BRF1: variants seen among roughly 807,000 people sequenced by gnomAD.
BRF1 encodes the protein transcription factor IIIB 90 kDa subunit.
BRF1 carries 59 observed loss-of-function variants against 81.7 expected under a neutral mutation model. The observed-to-expected ratio is 0.72, with a 90% CI of 0.59 to 0.90. BRF1 has a LOEUF of 0.90. BRF1 is among the 40% of genes least tolerant of loss of function. The pLI is 0.00. For synonymous variants in BRF1, 491 were observed against 395.6 expected, an observed-to-expected ratio of 1.24 and a Z score of -2.86; for missense variants, 1,050 against 936.3, an observed-to-expected ratio of 1.12 and a Z score of -1.58.
At chr14:105,212,185 TGGC>T in intron 15 of BRF1, 21 bp from the exon 16 acceptor site, 1 of 1,608,466 alleles carries the variant, frequency 6.2e-7, no homozygotes, top group South Asian at 1.1e-5. Flanking sequence ...AAGCACAGCA[TGGC>T]GGCCTCAGCC....
rs1342446243 is a variant in BRF1, at chr14:105,221,847, G to A, written c.1116C>T (p.Ala372=). 8 of 1,607,064 alleles carry A rather than the reference G, an allele frequency of 5.0e-6. No homozygotes were observed. Among genetic ancestry groups the A allele is most frequent in the Admixed American group, 3.4e-5 (2 of 59,288 alleles). Residue 372 remains alanine (A), a synonymous_variant, in exon 11 of 18, where the codon GCC becomes GCT. Coordinates refer to ENST00000547530, the MANE Select transcript of BRF1 (RefSeq NM_001519.4). ...EEDTEDEELE[A]AASHLNKDLY... ...AGTCTTTGTTCAGGTGGCTGGCCGC[G>A]GCTTCCAGCTCCTCGTCCTCTGTGT...
chr14:105,314,987 C>G (rs1321059129), intron 1 of BRF1: 1 of 1,250,220 alleles, frequency 8.0e-7, no homozygotes, highest in Non-Finnish European at 1.0e-6. Context: ...TGCCCATGAA[C>G]CTGTTCGCCA....
intron 3 of BRF1, among the ~76,000 whole-genome samples, chr14:105,266,933 C>T (rs1325155800): frequency 2.0e-5 from 3 of 152,088 alleles, no homozygotes; most frequent in African/African-American, 7.2e-5. Flanking sequence ...AGTCCAGCTA[C>T]ACGGGAGGCT....
intron 10 of BRF1, chr14:105,222,633 C>CTTTTTTTTTTTTTTTTTT (rs11429509): frequency 1.4e-5 from 2 of 147,156 alleles, no homozygotes; most frequent in Admixed American, 6.8e-5. Flanking sequence ...CTGATCAGTT[C>CTTTTTTTTTTTTTTTTTT]TTTTTTTTTT....
At chr14:105,275,996 TGGGGAGGAG>T (rs1404183328) in intron 2 of BRF1, among the ~76,000 whole-genome samples, 2 of 98,262 alleles carry the variant, frequency 2.0e-5, no homozygotes, top group African/African-American at 9.6e-5. Flanking sequence ...ACTAGAGAGC[TGGGGAGGAG>T]GCCACAGTGA....
intron 7 of BRF1, 107 bp from the exon 8 acceptor site, chr14:105,226,867 G>A (rs985267538): frequency 1.3e-6 from 2 of 1,552,630 alleles, no homozygotes; most frequent in African/African-American, 2.7e-5. Flanking sequence ...CCAGTGCTTT[G>A]GGAGCCCAAG....
intron 6 of BRF1, among the ~76,000 whole-genome samples, chr14:105,229,678 G>A (rs1422528017): frequency 8.7e-5 from 13 of 148,612 alleles, no homozygotes; most frequent in African/African-American, 1.0e-4. Context: ...GCACCCTCAG[G>A]AGCAACAACC....
chr14:105,267,929 C>T (rs587771253), intron 3 of BRF1, among the ~76,000 whole-genome samples: 9 of 151,640 alleles, frequency 5.9e-5, no homozygotes, highest in Admixed American at 1.3e-4. Flanking sequence ...GGGAGTGTGG[C>T]GGCTGGCGGC....
In BRF1 at chr14:105,263,020, G is replaced by A. The variant is rs1436017998; in HGVS notation, c.440-6471C>T. Among the ~76,000 whole-genome samples, 14 of 151,940 alleles carry A rather than the reference G, an allele frequency of 9.2e-5. No homozygotes were observed. The East Asian group carries it at 2.7e-3, about 30-fold the overall frequency. On this transcript the variant is annotated intron_variant, in intron 3 of 17. Coordinates refer to ENST00000547530, the MANE Select transcript of BRF1 (RefSeq NM_001519.4). Reference sequence around the variant, plus strand: ...CTTTGGGAGGCCGAGGCGGGCAGATGACAACGTCAAGAGTCCGAGACCAGC... The same window carrying A: ...CTTTGGGAGGCCGAGGCGGGCAGATAACAACGTCAAGAGTCCGAGACCAGC...
Position 105,212,003 on chromosome 14 carries a change from C to T in BRF1, c.1824+110G>A, listed in dbSNP as rs191114075. The stretch of plus-strand genomic sequence containing the variant: ...GCAAGTATGGGGCAGCAGGGGCAGG[C>T]GCCTCTGTCAGGCCTGCTCTCCCTG... On this transcript the variant is annotated intron_variant, in intron 16 of 17. Transcript: ENST00000547530. The T allele has an allele frequency of 1.7e-4, 249 of 1,464,540 alleles. 1 individual carries two copies. In the East Asian group the frequency reaches 5.0e-3, roughly 29 times the overall value. 90.7% of individuals were successfully genotyped at this position (1,464,540 alleles called of 1,614,324 possible).
intron 2 of BRF1, among the ~76,000 whole-genome samples, chr14:105,283,144 A>G (rs1055321016): frequency 6.6e-6 from 1 of 152,146 alleles, no homozygotes; most frequent in African/African-American, 2.4e-5. Flanking sequence ...CCAGCCAGCC[A>G]AGGCAGAGGA....
intron 10 of BRF1, among the ~76,000 whole-genome samples, chr14:105,224,679 C>T (rs1231832584): frequency 1.3e-5 from 2 of 152,156 alleles, no homozygotes; most frequent in Non-Finnish European, 2.9e-5. Context: ...TCCCGAGGAG[C>T]TGGGACTACA....
At chr14:105,217,230 G>A (rs888516278) in intron 15 of BRF1, 10 of 484,400 alleles carry the variant, frequency 2.1e-5, no homozygotes, top group Admixed American at 1.7e-4. Flanking sequence ...TCTTCTTCCC[G>A]AACCCAGGCT....
chr14:105,251,921 A>G (rs2055638718), intron 5 of BRF1, among the ~76,000 whole-genome samples: 2 of 152,112 alleles, frequency 1.3e-5, no homozygotes, highest in South Asian at 2.1e-4. Flanking sequence ...AACACACATC[A>G]AGAAAGGCAT....
intron 1 of BRF1, among the ~76,000 whole-genome samples, chr14:105,298,146 C>A (rs2057816112): frequency 6.6e-6 from 1 of 152,100 alleles, no homozygotes; most frequent in Non-Finnish European, 1.5e-5. Flanking sequence ...GCAGATATTC[C>A]AAAATCAGAA....
chr14:105,296,903 T>C (rs796225076), intron 1 of BRF1, among the ~76,000 whole-genome samples: 8 of 152,172 alleles, frequency 5.3e-5, no homozygotes, highest in African/African-American at 1.9e-4. Context: ...TGCCTATAAT[T>C]CCAGCACTTT....
At chr14:105,215,886 T>C (rs1321542176) in intron 15 of BRF1, among the ~76,000 whole-genome samples, 20 of 52,286 alleles carry the variant, frequency 3.8e-4, no homozygotes, top group Middle Eastern at 0.017. Flanking sequence ...GCTGCAGGCA[T>C]ACAGACACAG....
chr14:105,253,016 T>C (rs1021272939), intron 4 of BRF1, among the ~76,000 whole-genome samples: 5 of 152,204 alleles, frequency 3.3e-5, no homozygotes, highest in African/African-American at 1.2e-4. Flanking sequence ...GAGATCTGTG[T>C]TCCTCAGTGA....
intron 1 of BRF1, among the ~76,000 whole-genome samples, chr14:105,291,608 G>A (rs1185501367): frequency 6.6e-6 from 1 of 152,190 alleles, no homozygotes; most frequent in Non-Finnish European, 1.5e-5. Flanking sequence ...CTTGAACCCA[G>A]GAGATGGAGG....
Sources: gnomAD v4.1 joint callset for allele counts (sites outside exome capture counted in the v4.1 genomes callset) on GRCh38, gnomAD v4.1.1 for gene constraint, MANE v1.5 for transcripts, NCBI Gene and HGNC (gene_info 2026-07-23, HGNC 2026-07-21) for gene names.